CLSTN2: variants seen among roughly 807,000 people sequenced by gnomAD.
The protein encoded by CLSTN2 is calsyntenin 2, also known as calsyntenin-2.
CLSTN2 carries 48 observed loss-of-function variants against 101.2 expected under a neutral mutation model. The observed-to-expected ratio is 0.47, with a 90% confidence interval of 0.38 to 0.60. The LOEUF is 0.60. CLSTN2 is among the 20% of genes least tolerant of loss of function. The pLI is 0.00. For missense variants in CLSTN2, 1,160 were observed against 1,238.2 expected (o/e 0.94, Z 0.95); for synonymous variants, 481 against 463.6 (o/e 1.04, Z -0.48).
chr3:140,458,852 A>G (rs1483362216), intron 6 of CLSTN2, among the ~76,000 whole-genome samples: 1 of 152,244 alleles, frequency 6.6e-6, no homozygotes, highest in Non-Finnish European at 1.5e-5. Flanking sequence ...ATTTGCTCAT[A>G]GTCACAAAGC....
At chr3:139,943,638 C>A (rs1278919382) in intron 1 of CLSTN2, among the ~76,000 whole-genome samples, 2 of 152,154 alleles carry the variant, frequency 1.3e-5, no homozygotes, top group East Asian at 3.9e-4. Flanking sequence ...AATATTCATG[C>A]CACATTCTGT....
At chr3:140,148,927 TTAGTAGGCAGTGG>T (rs2009820928) in intron 1 of CLSTN2, among the ~76,000 whole-genome samples, 2 of 152,268 alleles carry the variant, frequency 1.3e-5, no homozygotes, top group African/African-American at 4.8e-5. Context: ...CAGCTGGTTG[TTAGTAGGCAGTGG>T]TTTACTATGG....
chr3:140,229,704 C>T (rs946259750), intron 2 of CLSTN2, among the ~76,000 whole-genome samples: 3 of 152,032 alleles, frequency 2.0e-5, no homozygotes, highest in African/African-American at 4.8e-5. Context: ...CCTGCTCCCG[C>T]TCTCACCTTC....
At chr3:139,967,995 G>A (rs969363910) in intron 1 of CLSTN2, among the ~76,000 whole-genome samples, 1 of 152,138 alleles carries the variant, frequency 6.6e-6, no homozygotes, top group African/African-American at 2.4e-5. Context: ...GTCTGTGTGT[G>A]TGTGTGTGCA....
At chr3:140,133,699 A>G (rs928087766) in intron 1 of CLSTN2, among the ~76,000 whole-genome samples, 3 of 152,176 alleles carry the variant, frequency 2.0e-5, no homozygotes, top group African/African-American at 7.2e-5. Flanking sequence ...CAACCGCATT[A>G]CATAGTACTG....
At chr3:140,255,140 C>CA (rs941007093) in intron 2 of CLSTN2, among the ~76,000 whole-genome samples, 2 of 151,958 alleles carry the variant, frequency 1.3e-5, no homozygotes, top group African/African-American at 4.8e-5. Flanking sequence ...GATTTAAAAG[C>CA]AAAAAAATAA....
At chr3:140,497,268 G>C (rs1934487800) in intron 8 of CLSTN2, among the ~76,000 whole-genome samples, 1 of 152,114 alleles carries the variant, frequency 6.6e-6, no homozygotes, top group Admixed American at 6.5e-5. Flanking sequence ...TCCCATCAGG[G>C]GCTCCATCCC....
chr3:140,255,993 C>A (rs1407053339), intron 2 of CLSTN2, among the ~76,000 whole-genome samples: 1 of 152,160 alleles, frequency 6.6e-6, no homozygotes, highest in African/African-American at 2.4e-5. Context: ...CTGAATCTAA[C>A]AAATTGATTT....
At chr3:140,242,263 T>C (rs2086477075) in intron 2 of CLSTN2, among the ~76,000 whole-genome samples, 1 of 152,150 alleles carries the variant, frequency 6.6e-6, no homozygotes, top group Admixed American at 6.5e-5. Context: ...ATTTCAGGAA[T>C]TAATGAGTTT....
At chr3:140,427,677 G>A (rs749427737) in intron 5 of CLSTN2, among the ~76,000 whole-genome samples, 1 of 152,112 alleles carries the variant, frequency 6.6e-6, no homozygotes, top group Non-Finnish European at 1.5e-5. Flanking sequence ...CTCTAAACGG[G>A]CTGCTAGATA....
chr3:140,121,916 C>G (rs1205417916), intron 1 of CLSTN2, among the ~76,000 whole-genome samples: 1 of 152,196 alleles, frequency 6.6e-6, no homozygotes, highest in Non-Finnish European at 1.5e-5. Flanking sequence ...CTTGATCTTA[C>G]CTTCCCTCCT....
intron 10 of CLSTN2, among the ~76,000 whole-genome samples, chr3:140,548,258 G>C (rs1404556584): frequency 1.3e-5 from 2 of 152,216 alleles, no homozygotes; most frequent in African/African-American, 4.8e-5. Flanking sequence ...GACCCAAGCA[G>C]ACATTTGTAA....
At chr3:139,951,978 T>TC (rs796236520) in intron 1 of CLSTN2, among the ~76,000 whole-genome samples, 33 of 152,308 alleles carry the variant, frequency 2.2e-4, no homozygotes, top group African/African-American at 7.9e-4. Flanking sequence ...TCTTTCTTTT[T>TC]CCCCCTCCTC....
intron 1 of CLSTN2, among the ~76,000 whole-genome samples, chr3:140,054,042 G>A (rs1487330491): frequency 6.6e-6 from 1 of 152,178 alleles, no homozygotes; most frequent in Non-Finnish European, 1.5e-5. Flanking sequence ...ATCCTGGCAT[G>A]CACAGATGTT....
rs746786864 is a variant in CLSTN2, at chr3:140,386,831, A to G, written c.233-16798A>G. On this transcript the variant is annotated intron_variant, in intron 2 of 16. Coordinates refer to ENST00000458420, the MANE Select transcript of CLSTN2 (RefSeq NM_022131.3). ...AGGGCAGCTATAATTTTTACAGACA[A>G]TAGTAGCTCCAAGCCAAGTATGAAC... 3.5e-4 allele frequency among the ~76,000 whole-genome samples: 54 copies of G among 152,282 alleles called. 1 individual carries two copies. The highest frequency in any genetic ancestry group is 3.3e-4 in the Admixed American group (5 of 15,304).
chr3:140,004,423 C>A (rs564383593), intron 1 of CLSTN2, among the ~76,000 whole-genome samples: 7 of 152,294 alleles, frequency 4.6e-5, no homozygotes, highest in Admixed American at 3.9e-4. Context: ...TGCAAATCCA[C>A]CTCTGGCCAT....
At chr3:140,497,697 C>T (rs1263160202) in intron 8 of CLSTN2, among the ~76,000 whole-genome samples, 1 of 152,150 alleles carries the variant, frequency 6.6e-6, no homozygotes, top group African/African-American at 2.4e-5. Flanking sequence ...GGATGGATCT[C>T]CTGCCTTGCT....
At chr3:140,335,870 G>T (rs2087434711) in intron 2 of CLSTN2, among the ~76,000 whole-genome samples, 1 of 152,192 alleles carries the variant, frequency 6.6e-6, no homozygotes, top group African/African-American at 2.4e-5. Context: ...CATGTGTATG[G>T]CAGTGGAGAG....
intron 1 of CLSTN2, among the ~76,000 whole-genome samples, chr3:140,087,615 T>C (rs1250691580): frequency 6.6e-6 from 1 of 152,154 alleles, no homozygotes; most frequent in Non-Finnish European, 1.5e-5. Context: ...TAGACTGCTG[T>C]TTTTGAGGGT....
Sources: gnomAD v4.1 joint callset for allele counts (sites outside exome capture counted in the v4.1 genomes callset) on GRCh38, gnomAD v4.1.1 for gene constraint, MANE v1.5 for transcripts, NCBI Gene and HGNC (gene_info 2026-07-23, HGNC 2026-07-21) for gene names.